Variants in NEGR1 observed in about 807,000 individuals in gnomAD.
The protein encoded by NEGR1 is neuronal growth regulator 1, also known as IgLON family member 4.
NEGR1 carries 10 observed loss-of-function variants against 40.9 expected under a neutral mutation model. The observed-to-expected ratio is 0.24, with a 90% CI of 0.15 to 0.42. The LOEUF (loss-of-function observed/expected upper bound fraction) is 0.42. Ranked by LOEUF, NEGR1 falls within the 10% of genes least tolerant of loss-of-function variation. NEGR1 has a pLI of 1.00. For missense variants in NEGR1, 352 were observed against 438.9 expected, an observed-to-expected ratio of 0.80 and a Z score of 1.77; for synonymous variants, 185 against 166.8, an observed-to-expected ratio of 1.11 and a Z score of -0.84.
At chr1:71,936,722 T>C (rs1645908744) in intron 1 of NEGR1, among the ~76,000 whole-genome samples, 3 of 152,198 alleles carry the variant, frequency 2.0e-5, no homozygotes, top group Non-Finnish European at 2.9e-5. Context: ...ACAAGCGTAA[T>C]GACAATTACT....
chr1:71,586,004 C>T (rs1649295251), intron 6 of NEGR1, among the ~76,000 whole-genome samples: 2 of 152,016 alleles, frequency 1.3e-5, no homozygotes, highest in African/African-American at 4.8e-5. Context: ...TTTGCATGTC[C>T]TCTCATTTAA....
chr1:71,588,128 T>C (rs1369898768), intron 6 of NEGR1, among the ~76,000 whole-genome samples: 2 of 152,148 alleles, frequency 1.3e-5, no homozygotes, highest in Non-Finnish European at 2.9e-5. Context: ...AGTGATAGCA[T>C]ACATTTGATG....
At chr1:72,188,768 C>T (rs1202356760) in intron 1 of NEGR1, among the ~76,000 whole-genome samples, 1 of 151,478 alleles carries the variant, frequency 6.6e-6, no homozygotes, top group African/African-American at 2.4e-5. Context: ...GAGTTCTACA[C>T]TACTACTGTT....
chr1:71,994,125 G>A (rs1038193195), intron 1 of NEGR1, among the ~76,000 whole-genome samples: 1 of 152,146 alleles, frequency 6.6e-6, no homozygotes, highest in African/African-American at 2.4e-5. Flanking sequence ...CTTCCCAAAT[G>A]TCAATTACTT....
chr1:72,108,319 G>A (rs1649215205), intron 1 of NEGR1, among the ~76,000 whole-genome samples: 1 of 151,490 alleles, frequency 6.6e-6, no homozygotes, highest in Non-Finnish European at 1.5e-5. Flanking sequence ...AAGTCCATTA[G>A]AGTCATCTTC....
intron 2 of NEGR1, among the ~76,000 whole-genome samples, chr1:71,923,389 A>T (rs912813121): frequency 2.0e-5 from 3 of 151,864 alleles, no homozygotes; most frequent in African/African-American, 7.3e-5. Context: ...TCTCTCTCAC[A>T]CACACACACA....
chr1:72,165,021 G>A (rs1651718110), intron 1 of NEGR1, among the ~76,000 whole-genome samples: 1 of 151,314 alleles, frequency 6.6e-6, no homozygotes. Flanking sequence ...TTTCTCCTTG[G>A]GGCTGCTGCA....
At chr1:71,935,039 G>C (rs779582352) in intron 2 of NEGR1, 40 bp downstream of exon 2, 4 of 1,170,720 alleles carry the variant, frequency 3.4e-6, no homozygotes, top group Non-Finnish European at 5.1e-6. Flanking sequence ...ATATTTCTAA[G>C]CACAGTCTTT....
At chr1:71,596,044 CAAAAAAA>C (rs148493700) in intron 5 of NEGR1, among the ~76,000 whole-genome samples, 146 of 132,520 alleles carry the variant, frequency 1.1e-3, no homozygotes, top group African/African-American at 3.7e-3. Context: ...CTCCCTGCCA[CAAAAAAA>C]AAAAAAAAAA....
At chr1:71,925,946 G>T (rs1457601360) in intron 2 of NEGR1, among the ~76,000 whole-genome samples, 1 of 151,572 alleles carries the variant, frequency 6.6e-6, no homozygotes, top group Admixed American at 6.6e-5. Context: ...TATTTTCTTT[G>T]TTTTTTTTAA....
intron 1 of NEGR1, among the ~76,000 whole-genome samples, chr1:72,009,321 C>T (rs1422312838): frequency 6.6e-6 from 1 of 152,068 alleles, no homozygotes; most frequent in South Asian, 2.1e-4. Context: ...TCCCTCCACG[C>T]TTCAGGGACA....
intron 1 of NEGR1, among the ~76,000 whole-genome samples, chr1:72,259,277 G>A (rs973482118): frequency 1.2e-4 from 18 of 152,096 alleles, no homozygotes; most frequent in Non-Finnish European, 2.9e-5. Context: ...CACTGTGCTA[G>A]GTGCCAAGCA....
intron 6 of NEGR1, among the ~76,000 whole-genome samples, chr1:71,429,956 C>T (rs1322475674): frequency 6.6e-6 from 1 of 152,168 alleles, no homozygotes; most frequent in Non-Finnish European, 1.5e-5. Context: ...TGACTGCCTA[C>T]TATGTTCAAG....
chr1:72,039,282 C>T (rs1000885455), intron 1 of NEGR1, among the ~76,000 whole-genome samples: 6 of 151,860 alleles, frequency 4.0e-5, no homozygotes, highest in African/African-American at 1.5e-4. Flanking sequence ...ACTGGGAAGC[C>T]ATTGAAATTT....
intron 1 of NEGR1, among the ~76,000 whole-genome samples, chr1:72,118,667 T>G (rs555232364): frequency 6.6e-6 from 1 of 152,018 alleles, no homozygotes; most frequent in South Asian, 2.1e-4. Context: ...CTCTGGCCCT[T>G]CCAGTACTTT....
chr1:71,897,513 G>A (rs939773578), intron 2 of NEGR1, among the ~76,000 whole-genome samples: 2 of 152,086 alleles, frequency 1.3e-5, no homozygotes, highest in Non-Finnish European at 2.9e-5. Flanking sequence ...TAGTTTGAGA[G>A]GTCTTCCTCA....
chr1:71,705,847 G>C (rs1174087255), intron 3 of NEGR1, among the ~76,000 whole-genome samples: 1 of 151,204 alleles, frequency 6.6e-6, no homozygotes, highest in African/African-American at 2.4e-5. Flanking sequence ...AGAGAGAGAA[G>C]GAAGGAAGAG....
intron 3 of NEGR1, among the ~76,000 whole-genome samples, chr1:71,738,635 G>A (rs1371323067): frequency 6.6e-6 from 1 of 152,058 alleles, no homozygotes; most frequent in African/African-American, 2.4e-5. Flanking sequence ...ATGCTGTCTG[G>A]TGTAGAGTTT....
chr1:71,851,182 A>C (rs1659588088), intron 2 of NEGR1, among the ~76,000 whole-genome samples: 2 of 152,130 alleles, frequency 1.3e-5, no homozygotes, highest in African/African-American at 4.8e-5. Context: ...GTTTGAACAA[A>C]ATGTTTTTAT....
Sources: allele counts gnomAD v4.1 joint callset (sites outside exome capture counted in the v4.1 genomes callset), GRCh38; gene constraint gnomAD v4.1.1; transcripts MANE v1.5; gene names NCBI Gene and HGNC (gene_info 2026-07-23, HGNC 2026-07-21).